The following CORO7 variants were observed in gnomAD, a reference collection of about 807,000 sequenced individuals.
CORO7 encodes the protein coronin 7, also known as coronin-7.
CORO7 carries 107 observed loss-of-function variants against 126.6 expected under a neutral mutation model. That is an observed-to-expected ratio of 0.85 (90% CI 0.72 to 0.99). CORO7 has a LOEUF of 0.99. Ranked by LOEUF, CORO7 falls within the 50% of genes least tolerant of loss-of-function variation. The pLI is 0.00. For synonymous variants in CORO7, 603 were observed against 536.8 expected, an observed-to-expected ratio of 1.12 and a Z score of -1.70; for missense variants, 1,314 against 1,255.8, an observed-to-expected ratio of 1.05 and a Z score of -0.70.
intron 3 of CORO7, among the ~76,000 whole-genome samples, chr16:4,408,775 C>T (rs1002024039): frequency 5.9e-5 from 9 of 152,174 alleles, no homozygotes; most frequent in Non-Finnish European, 1.3e-4. Flanking sequence ...CCAGCCTGGG[C>T]AACACGGTGA....
In CORO7 at chr16:4,361,087, TG is replaced by T. The variant is rs1269348037; in HGVS notation, c.1775-3del. 1.2e-6 allele frequency: 2 copies of T among 1,613,282 alleles called. No homozygotes were observed. The highest frequency in any genetic ancestry group is 1.7e-6 in the Non-Finnish European group (2 of 1,180,006). ...GGGAGCAGATCTTCTCCGTGTGGCC[TG>T]GAGGAAGGCAGGGGTGATCAGGAGC... On this transcript the variant is annotated splice_polypyrimidine_tract_variant and splice_region_variant and intron_variant, in intron 18 of 27. Coordinates refer to ENST00000251166, the MANE Select transcript of CORO7 (RefSeq NM_024535.5).
At chr16:4,372,796 C>G (rs1342890012) in intron 9 of CORO7, among the ~76,000 whole-genome samples, 1 of 152,186 alleles carries the variant, frequency 6.6e-6, no homozygotes, top group Non-Finnish European at 1.5e-5. Context: ...GGTCACTGAC[C>G]GCCTCCCCTG....
intron 2 of CORO7, 137 bp downstream of exon 2, chr16:4,413,171 G>C: frequency 1.2e-6 from 1 of 842,770 alleles, no homozygotes; most frequent in South Asian, 1.8e-5. Flanking sequence ...TCTGGCATGG[G>C]GCTCACCTCT....
Position 4,364,273 on chromosome 16 carries a change from T to TA in CORO7, c.1275+2dup, listed in dbSNP as rs772459102. On this transcript the variant is annotated splice_region_variant and intron_variant, in intron 14 of 27. Coordinates refer to ENST00000251166, the MANE Select transcript of CORO7 (RefSeq NM_024535.5). ...GGAGGATGGGGGCGGCCCTGGTACT[T>TA]ACGCTTGCGTCTGCATCACCCACGG... 1.1e-5 allele frequency: 17 copies of TA among 1,531,130 alleles called. No homozygotes were observed. The highest frequency in any genetic ancestry group is 1.5e-5 in the Non-Finnish European group (17 of 1,142,086). 94.8% of individuals were successfully genotyped at this position (1,531,130 alleles called of 1,614,324 possible).
chr16:4,375,440 G>A (rs139815344), intron 9 of CORO7, among the ~76,000 whole-genome samples: 150 of 152,336 alleles, frequency 9.8e-4, no homozygotes, highest in African/African-American at 3.3e-3. Flanking sequence ...CGGAGGACTC[G>A]CTCAAGGAGC....
rs771081174 is a variant in CORO7, at chr16:4,364,651, G to C, written c.1083C>G (p.Ala361=). The C allele has an allele frequency of 6.3e-7, 1 of 1,579,708 alleles. No homozygotes were observed. The part of the protein sequence containing the change: ...EFHEDLFPDT[A]GCVPATDPHS... ...GGGGGTCGGTGGCAGGCACACAGCC[G>C]GCAGTGTCCGGGAACAGGTCCTCGT... The change falls in exon 13 of 28, where the codon GCC becomes GCG. Residue 361 remains alanine (A), a synonymous_variant. Coordinates refer to ENST00000251166, the MANE Select transcript of CORO7 (RefSeq NM_024535.5).
At chr16:4,374,311 G>A (rs1430391114) in intron 9 of CORO7, among the ~76,000 whole-genome samples, 4 of 152,062 alleles carry the variant, frequency 2.6e-5, no homozygotes, top group East Asian at 1.9e-4. Context: ...GCGCTGGGCC[G>A]CCGGCCTCCC....
At position 4,359,636 on chromosome 16, in the gene CORO7, G is replaced by GGGGGCTGAAGCAGGTGTTTC; in HGVS notation, c.2109-35_2109-16dup. On this transcript the variant is annotated splice_polypyrimidine_tract_variant and intron_variant, in intron 21 of 27. Coordinates refer to ENST00000251166, the MANE Select transcript of CORO7 (RefSeq NM_024535.5). ...GCTCACTTTGGCTGCAAGGGGGTTT[G>GGGGGCTGAAGCAGGTGTTTC]GGGGCTGAAGCAGGTGTTTCAGAGC... The GGGGGCTGAAGCAGGTGTTTC allele has an allele frequency of 6.3e-7, 1 of 1,579,828 alleles. No homozygotes were observed. The highest frequency in any genetic ancestry group is 1.3e-5 in the African/African-American group (1 of 74,438).
Position 4,361,171 on chromosome 16 carries a change from C to G in CORO7, c.1765G>C (p.Val589Leu), listed in dbSNP as rs35536632. ...LEEVLTTPET[V>L]LTGHTEKICS... ...CCTGAGCCTGCCTGACCTGTGAGCA[C>G]AGTCTCTGGCGTGGTGAGCACCTCT... The change falls in exon 18 of 28, where the codon GTG becomes CTG. Residue 589 changes from valine (V) to leucine (L), a missense_variant. By Grantham distance (32) the Val-to-Leu change is conservative. Coordinates refer to ENST00000251166, the MANE Select transcript of CORO7 (RefSeq NM_024535.5). The G allele has an allele frequency of 3.7e-6, 6 of 1,613,046 alleles. No individual in the cohort carries two copies. Among genetic ancestry groups the G allele is most frequent in the Non-Finnish European group, 5.1e-6 (6 of 1,180,006 alleles).
At chr16:4,380,286 C>T (rs1416057652) in intron 9 of CORO7, among the ~76,000 whole-genome samples, 4 of 152,184 alleles carry the variant, frequency 2.6e-5, no homozygotes, top group Admixed American at 1.3e-4. Context: ...CACTTCCTGG[C>T]GGCCCGCAGC....
chr16:4,356,993 G>A lies in CORO7; in HGVS notation c.2685+175C>T, dbSNP rs1256392419. 4.6e-6 allele frequency: 4 copies of A among 870,070 alleles called. No homozygotes were observed. The African/African-American group carries it at 6.8e-5, about 15-fold the overall frequency. 53.9% of individuals were successfully genotyped at this position (870,070 alleles called of 1,614,324 possible). A position where few individuals can be genotyped will look rare whatever the true frequency, so the allele number is the denominator to read the frequency against. On this transcript the variant is annotated intron_variant, in intron 26 of 27. Coordinates refer to ENST00000251166, the MANE Select transcript of CORO7 (RefSeq NM_024535.5). ...TCCCACTGCCCTCCCCCACTTCCCG[G>A]GCCCCATGGTCAGTGGTAGGGCTCT...
intron 6 of CORO7, 62 bp downstream of exon 6, chr16:4,405,428 AG>A: frequency 6.5e-7 from 1 of 1,545,696 alleles, no homozygotes; most frequent in Non-Finnish European, 8.7e-7. Flanking sequence ...GGCCCAGCCC[AG>A]GGGGTCCCAG....
chr16:4,370,310 G>A (rs562914892), intron 9 of CORO7, among the ~76,000 whole-genome samples: 3 of 152,364 alleles, frequency 2.0e-5, no homozygotes, highest in Non-Finnish European at 4.4e-5. Flanking sequence ...ACTCAAGTGA[G>A]TGGACAGCTT....
intron 1 of CORO7, among the ~76,000 whole-genome samples, chr16:4,415,247 C>T (rs1398437841): frequency 1.3e-5 from 2 of 152,158 alleles, no homozygotes; most frequent in African/African-American, 4.8e-5. Context: ...ACTCTGGACT[C>T]ATCTGTCACC....
chr16:4,413,246 C>T lies in CORO7; in HGVS notation c.157+62G>A, dbSNP rs1007821412. On this transcript the variant is annotated intron_variant, in intron 2 of 27. Transcript: ENST00000251166. ...ACCAAGCCTGCCCCTGCTCCCCACC[C>T]CATCTATGGTGACGATGACCGAATA... 2.7e-6 allele frequency: 4 copies of T among 1,492,578 alleles called. No homozygotes were observed. In the African/African-American group the frequency reaches 4.2e-5, roughly 16 times the overall value. The allele number at this position is 1,492,578 out of a possible 1,614,324, so 92.5% of individuals were successfully genotyped here.
At chr16:4,355,404 G>C (rs2053944165) in intron 26 of CORO7, 32 bp from the exon 27 acceptor site, 1 of 1,594,738 alleles carries the variant, frequency 6.3e-7, no homozygotes. Context: ...GGGTAGGTAA[G>C]GGAATAGGAC....
Position 4,382,976 on chromosome 16 carries a change from G to A in CORO7, c.785+5010C>T, listed in dbSNP as rs540601047. The A allele has an allele frequency of 4.7e-5, 66 of 1,409,814 alleles. No homozygotes were observed. The South Asian group carries it at 6.9e-4, about 15-fold the overall frequency. 87.3% of individuals were successfully genotyped at this position (1,409,814 alleles called of 1,614,324 possible). The stretch of plus-strand genomic sequence containing the variant: ...CAGCCCCCTCCTGCTGCCACACCAC[G>A]TAAGTTCTCAGTCCCAACCTCGGGG... On this transcript the variant is annotated intron_variant, in intron 9 of 27. Transcript: ENST00000251166.
intron 6 of CORO7, among the ~76,000 whole-genome samples, chr16:4,403,344 A>G (rs2055882643): frequency 6.6e-6 from 1 of 152,102 alleles, no homozygotes; most frequent in Non-Finnish European, 1.5e-5. Flanking sequence ...CTCCCTTTAC[A>G]GCAAAAGAAG....
chr16:4,367,456 T>A (rs924972754), intron 9 of CORO7, among the ~76,000 whole-genome samples: 4 of 152,224 alleles, frequency 2.6e-5, no homozygotes, highest in Non-Finnish European at 5.9e-5. Context: ...CATGTAGGTA[T>A]GCCCAGAGAT....
Sources: allele counts gnomAD v4.1 joint callset (sites outside exome capture counted in the v4.1 genomes callset), GRCh38; gene constraint gnomAD v4.1.1; transcripts MANE v1.5; gene names NCBI Gene and HGNC (gene_info 2026-07-23, HGNC 2026-07-21).